Variants in PLCL1 observed in about 807,000 individuals in gnomAD.
PLCL1 encodes inactive phospholipase C-like protein 1.
PLCL1 carries 41 observed loss-of-function variants against 84.4 expected under a neutral mutation model. That is an observed-to-expected ratio of 0.49 (90% CI 0.38 to 0.63). The LOEUF (loss-of-function observed/expected upper bound fraction) is 0.63, where lower values mean the gene tolerates loss of function less well. Ranked by LOEUF, PLCL1 falls within the 30% of genes least tolerant of loss-of-function variation. The pLI, the probability that PLCL1 is intolerant of heterozygous loss-of-function variation, is 0.00. For synonymous variants in PLCL1, 490 were observed against 488.3 expected, an observed-to-expected ratio of 1.00 and a Z score of -0.05; for missense variants, 1,206 against 1,367.8, an observed-to-expected ratio of 0.88 and a Z score of 1.87.
At chr2:198,009,821 T>C (rs1221397679) in intron 1 of PLCL1, among the ~76,000 whole-genome samples, 2 of 152,086 alleles carry the variant, frequency 1.3e-5, no homozygotes, top group South Asian at 2.1e-4. Context: ...GCATGGGATG[T>C]CTTTCCATTT....
chr2:197,885,481 T>C (rs1398991855), intron 1 of PLCL1, among the ~76,000 whole-genome samples: 1 of 152,198 alleles, frequency 6.6e-6, no homozygotes, highest in Non-Finnish European at 1.5e-5. Flanking sequence ...GATTGGCTGA[T>C]GCCCACAGTG....
chr2:197,930,926 A>G (rs7557203), intron 1 of PLCL1, among the ~76,000 whole-genome samples: 109,346 of 152,088 alleles, frequency 0.72, 40,268 homozygotes, highest in African/African-American at 0.87. Flanking sequence ...ATAGGCTGCT[A>G]AAAGTGGTAG....
At chr2:197,981,757 A>C (rs1306477402) in intron 1 of PLCL1, among the ~76,000 whole-genome samples, 1 of 152,172 alleles carries the variant, frequency 6.6e-6, no homozygotes, top group Non-Finnish European at 1.5e-5. Context: ...TCTGTGTAGA[A>C]AGACGTCTCA....
chr2:198,035,989 A>T (rs1691544619), intron 1 of PLCL1, among the ~76,000 whole-genome samples: 1 of 152,224 alleles, frequency 6.6e-6, no homozygotes, highest in African/African-American at 2.4e-5. Context: ...GTGAGCCAAG[A>T]TTGTGCCACT....
chr2:197,858,902 A>G (rs564777993), intron 1 of PLCL1, among the ~76,000 whole-genome samples: 2 of 152,200 alleles, frequency 1.3e-5, no homozygotes, highest in Admixed American at 1.3e-4. Context: ...ACTGTCTGGC[A>G]GTTGTCAGGC....
rs1692040806 is a variant in PLCL1 at position 198,055,343 on chromosome 2, GTC to G, written c.241-28413_241-28412del. On this transcript the variant is annotated intron_variant, in intron 1 of 5. Coordinates refer to ENST00000428675, the MANE Select transcript of PLCL1 (RefSeq NM_006226.4). Reference sequence around the variant, plus strand: ...TCTCTCTCTCTCTGTGTGTGTGTGTGTCTGTGTATGAGAGAGAGAGAAAGAGA... The same window carrying G: ...TCTCTCTCTCTCTGTGTGTGTGTGTGTGTGTATGAGAGAGAGAGAAAGAGA... Among the ~76,000 whole-genome samples, 2 of 124,242 alleles carry G rather than the reference GTC, an allele frequency of 1.6e-5. 1 individual carries two copies. The highest frequency in any genetic ancestry group is 6.6e-5 in the African/African-American group (2 of 30,272). The allele number at this position is 124,242 out of a possible 152,430, so 81.5% of individuals were successfully genotyped here.
At chr2:198,045,521 G>A (rs2105863226) in intron 1 of PLCL1, among the ~76,000 whole-genome samples, 1 of 152,276 alleles carries the variant, frequency 6.6e-6, no homozygotes, top group East Asian at 1.9e-4. Flanking sequence ...AATATTTGAT[G>A]AGTCAGTTCA....
chr2:197,934,928 TTAAC>T (rs1401855914), intron 1 of PLCL1, among the ~76,000 whole-genome samples: 22 of 152,092 alleles, frequency 1.4e-4, no homozygotes, highest in African/African-American at 5.1e-4. Context: ...TGAACTTAAA[TTAAC>T]AAGCAAGAAA....
intron 1 of PLCL1, among the ~76,000 whole-genome samples, chr2:197,979,411 A>G (rs1690057366): frequency 6.6e-6 from 1 of 152,132 alleles, no homozygotes; most frequent in Non-Finnish European, 1.5e-5. Flanking sequence ...ATCACCAAAT[A>G]TTACTGATCC....
rs760577848 is a variant in PLCL1, at chr2:197,983,200, C to CTTTTTTTTTT, written c.241-100528_241-100519dup. 9.1e-4 allele frequency among the ~76,000 whole-genome samples: 55 copies of CTTTTTTTTTT among 60,278 alleles called. 8 individuals carry two copies. The highest frequency in any genetic ancestry group is 2.1e-3 in the East Asian group (4 of 1,876). 39.5% of individuals were successfully genotyped at this position (60,278 alleles called of 152,430 possible). A position where few individuals can be genotyped will look rare whatever the true frequency, so the allele number is the denominator to read the frequency against. On this transcript the variant is annotated intron_variant, in intron 1 of 5. Transcript: ENST00000428675. The stretch of plus-strand genomic sequence containing the variant: ...TTTCTTTTTCTTTTTCTTTTCTTTT[C>CTTTTTTTTTT]TTTTTTTTTTTTTTTTTTTTTTTTT...
At position 197,911,343 on chromosome 2, in the gene PLCL1, T is replaced by A. The variant is rs187123761; in HGVS notation, c.240+106004T>A. ...CAGAGTGTGACCCTGTCTCAAAAAA[T>A]AAATAAATAAATAAATAAAATAAAA... On this transcript the variant is annotated intron_variant, in intron 1 of 5. Transcript: ENST00000428675. Among the ~76,000 whole-genome samples the A allele has an allele frequency of 1.9e-3, 293 of 151,674 alleles. 3 individuals carry two copies. The highest frequency in any genetic ancestry group is 0.016 in the Admixed American group (244 of 15,224).
At position 198,084,961 on chromosome 2, in the gene PLCL1, G is replaced by T. The variant is rs780710675; in HGVS notation, c.1444G>T (p.Ala482Ser). The T allele has an allele frequency of 7.4e-6, 12 of 1,613,874 alleles. No individual in the cohort carries two copies. The highest frequency in any genetic ancestry group is 1.6e-4 in the Middle Eastern group (1 of 6,080). Residue 482 changes from alanine to serine, a missense_variant, in exon 2 of 6, where the codon GCT (alanine) becomes TCT (serine). Coordinates refer to ENST00000428675, the MANE Select transcript of PLCL1 (RefSeq NM_006226.4). ...GGTAATAAATAAATTTGCCTTTGTTGCTTCTGAATACCCACTCATTCTTTG... is the reference window on the plus strand; with the variant it reads ...GGTAATAAATAAATTTGCCTTTGTTTCTTCTGAATACCCACTCATTCTTTG... ...IEVINKFAFVASEYPLILCLG... is the reference protein window; with the variant it reads ...IEVINKFAFVSSEYPLILCLG...
intron 5 of PLCL1, among the ~76,000 whole-genome samples, chr2:198,134,911 T>C (rs533808353): frequency 6.6e-6 from 1 of 152,342 alleles, no homozygotes; most frequent in African/African-American, 2.4e-5. Context: ...ACTTTTGTTC[T>C]GGCATGTTTG....
intron 1 of PLCL1, among the ~76,000 whole-genome samples, chr2:198,032,563 T>G (rs1355065188): frequency 6.6e-6 from 1 of 151,932 alleles, no homozygotes; most frequent in Non-Finnish European, 1.5e-5. Flanking sequence ...TAAATTAACA[T>G]TTTTTTTAGG....
intron 1 of PLCL1, among the ~76,000 whole-genome samples, chr2:197,973,165 C>T (rs1689904414): frequency 6.6e-6 from 1 of 152,172 alleles, no homozygotes; most frequent in Non-Finnish European, 1.5e-5. Context: ...CCCTACTGTT[C>T]CCAGAGGCTC....
At chr2:197,864,869 A>C (rs900205129) in intron 1 of PLCL1, among the ~76,000 whole-genome samples, 50 of 152,206 alleles carry the variant, frequency 3.3e-4, no homozygotes, top group African/African-American at 1.1e-3. Context: ...GCGGTTAAGA[A>C]CTTCCTTGTG....
intron 1 of PLCL1, among the ~76,000 whole-genome samples, chr2:197,913,336 G>A (rs1226816012): frequency 2.0e-5 from 3 of 152,208 alleles, no homozygotes; most frequent in Admixed American, 2.0e-4. Flanking sequence ...ATGATATTCA[G>A]CTGTGGGAAA....
At chr2:198,006,144 G>A (rs188456942) in intron 1 of PLCL1, among the ~76,000 whole-genome samples, 7 of 152,310 alleles carry the variant, frequency 4.6e-5, no homozygotes, top group Admixed American at 3.3e-4. Context: ...GACTGGAGTT[G>A]TTAAAAGACA....
chr2:197,948,240 G>A (rs569067617), intron 1 of PLCL1, among the ~76,000 whole-genome samples: 10 of 152,288 alleles, frequency 6.6e-5, no homozygotes, highest in South Asian at 4.1e-4. Context: ...TTTAACTGGT[G>A]AAAGGTGACA....
Sources: allele counts gnomAD v4.1 joint callset (sites outside exome capture counted in the v4.1 genomes callset), GRCh38; gene constraint gnomAD v4.1.1; transcripts MANE v1.5; gene names NCBI Gene and HGNC (gene_info 2026-07-23, HGNC 2026-07-21).